SDK1: variants seen among roughly 807,000 people sequenced by gnomAD.
SDK1 encodes the protein protein sidekick-1.
A neutral mutation model predicts 245.5 loss-of-function variants in SDK1; 157 were observed. The observed-to-expected ratio is 0.64, with a 90% CI of 0.56 to 0.73. SDK1 has a LOEUF of 0.73. Ranked by LOEUF, SDK1 falls within the 30% of genes least tolerant of loss-of-function variation. SDK1 has a pLI of 0.00. For synonymous variants in SDK1, 1,647 were observed against 1,278.5 expected (o/e 1.29, Z -6.15); for missense variants, 3,583 against 3,002.3 (o/e 1.19, Z -4.52).
At chr7:4,134,324 T>C (rs952795360) in intron 28 of SDK1, among the ~76,000 whole-genome samples, 4 of 152,230 alleles carry the variant, frequency 2.6e-5, no homozygotes, top group African/African-American at 7.2e-5. Context: ...AGCAGCCACC[T>C]TGGAGGTGAG....
intron 5 of SDK1, among the ~76,000 whole-genome samples, chr7:3,941,432 C>A (rs1464807352): frequency 6.6e-6 from 1 of 152,058 alleles, no homozygotes; most frequent in Non-Finnish European, 1.5e-5. Flanking sequence ...CTGCCTCCTC[C>A]GTGGCCAGCT....
intron 1 of SDK1, among the ~76,000 whole-genome samples, chr7:3,573,629 A>G (rs144065892): frequency 6.6e-6 from 1 of 152,180 alleles, no homozygotes; most frequent in East Asian, 1.9e-4. Context: ...TGAATATGAA[A>G]AAACAATAAT....
At chr7:3,442,968 G>A (rs550139869) in intron 1 of SDK1, among the ~76,000 whole-genome samples, 1 of 151,958 alleles carries the variant, frequency 6.6e-6, no homozygotes, top group Non-Finnish European at 1.5e-5. Flanking sequence ...GCTCTATAAA[G>A]GATGTGTAGA....
chr7:4,031,836 G>A (rs1787840574), intron 17 of SDK1, among the ~76,000 whole-genome samples: 1 of 151,990 alleles, frequency 6.6e-6, no homozygotes, highest in Non-Finnish European at 1.5e-5. Flanking sequence ...AGACCAGCCT[G>A]GCCAACATGG....
intron 1 of SDK1, among the ~76,000 whole-genome samples, chr7:3,604,602 C>CTTTTT (rs201453008): frequency 8.1e-4 from 89 of 110,412 alleles, no homozygotes; most frequent in East Asian, 1.3e-3. Flanking sequence ...CTTTTCTTTT[C>CTTTTT]TTTTTTTTTT....
At chr7:4,214,515 A>G (rs1328761386) in intron 38 of SDK1, among the ~76,000 whole-genome samples, 4 of 152,170 alleles carry the variant, frequency 2.6e-5, no homozygotes, top group African/African-American at 9.7e-5. Flanking sequence ...CTGAGATTAG[A>G]GCGAGAGGGG....
chr7:4,212,071 C>T (rs1286503639), intron 38 of SDK1, among the ~76,000 whole-genome samples: 3 of 152,184 alleles, frequency 2.0e-5, no homozygotes, highest in African/African-American at 7.2e-5. Flanking sequence ...GGCAAGTTTC[C>T]CCCTGTAATA....
chr7:3,791,740 C>G (rs1340224174), intron 4 of SDK1, among the ~76,000 whole-genome samples: 5 of 152,172 alleles, frequency 3.3e-5, no homozygotes, highest in African/African-American at 1.2e-4. Context: ...CAAGGGTGAT[C>G]TGTTCGGAGA....
At chr7:3,336,711 G>A (rs1018136963) in intron 1 of SDK1, among the ~76,000 whole-genome samples, 5 of 151,998 alleles carry the variant, frequency 3.3e-5, no homozygotes, top group African/African-American at 1.2e-4. Flanking sequence ...TCCCTTCCCT[G>A]TGGTAGCTTG....
At chr7:4,162,199 T>C (rs2128212763) in intron 32 of SDK1, among the ~76,000 whole-genome samples, 1 of 152,162 alleles carries the variant, frequency 6.6e-6, no homozygotes, top group Admixed American at 6.5e-5. Flanking sequence ...GGAGCAAGGC[T>C]TCTGTGTATA....
At chr7:3,496,340 T>G (rs1483000713) in intron 1 of SDK1, among the ~76,000 whole-genome samples, 4 of 152,236 alleles carry the variant, frequency 2.6e-5, no homozygotes, top group African/African-American at 4.8e-5. Flanking sequence ...TAGCACTGTT[T>G]GGAGTCTCAC....
intron 1 of SDK1, among the ~76,000 whole-genome samples, chr7:3,343,543 G>T (rs191768854): frequency 6.6e-6 from 1 of 152,232 alleles, no homozygotes; most frequent in Non-Finnish European, 1.5e-5. Flanking sequence ...AGTGACATGT[G>T]GGATCCTTGT....
At position 3,358,408 on chromosome 7, in the gene SDK1, C is replaced by T. The variant is rs150836044; in HGVS notation, c.298+56524C>T. Among the ~76,000 whole-genome samples the T allele has an allele frequency of 3.6e-3, 544 of 149,338 alleles. 7 individuals are homozygous for T. The highest frequency in any genetic ancestry group is 0.013 in the African/African-American group (517 of 40,780). Reference sequence around the variant, plus strand: ...TTTAATGAGGGGCAAATATTTGGAGCAATTAGCTAATCATTACAACGTTTT... The same window carrying T: ...TTTAATGAGGGGCAAATATTTGGAGTAATTAGCTAATCATTACAACGTTTT... On this transcript the variant is annotated intron_variant, in intron 1 of 44. Transcript: ENST00000404826.
At chr7:3,989,128 C>A (rs1052009392) in intron 14 of SDK1, among the ~76,000 whole-genome samples, 8 of 152,204 alleles carry the variant, frequency 5.3e-5, no homozygotes, top group Non-Finnish European at 7.3e-5. Flanking sequence ...GGTTTTCACA[C>A]TGCCAATAAA....
chr7:3,905,514 T>C (rs939046781), intron 5 of SDK1, among the ~76,000 whole-genome samples: 1 of 152,232 alleles, frequency 6.6e-6, no homozygotes, highest in African/African-American at 2.4e-5. Context: ...CTATGGTTTT[T>C]AGGGTTGTTT....
chr7:3,478,223 T>C (rs1271498069), intron 1 of SDK1, among the ~76,000 whole-genome samples: 2 of 152,272 alleles, frequency 1.3e-5, no homozygotes, highest in Non-Finnish European at 2.9e-5. Flanking sequence ...TTGGGATTAA[T>C]TTGGGAGTTA....
intron 4 of SDK1, among the ~76,000 whole-genome samples, chr7:3,760,590 T>C (rs144241417): frequency 6.6e-6 from 1 of 152,226 alleles, no homozygotes; most frequent in Non-Finnish European, 1.5e-5. Flanking sequence ...TTCCTCAGAA[T>C]AATAGTTTTG....
intron 1 of SDK1, among the ~76,000 whole-genome samples, chr7:3,421,887 G>A (rs1209700099): frequency 1.3e-5 from 2 of 152,084 alleles, no homozygotes; most frequent in Non-Finnish European, 2.9e-5. Flanking sequence ...CTTGGAAAGT[G>A]GGCCAGATGC....
At chr7:3,993,091 T>A (rs1175101853) in intron 14 of SDK1, among the ~76,000 whole-genome samples, 3 of 152,234 alleles carry the variant, frequency 2.0e-5, no homozygotes, top group Non-Finnish European at 1.5e-5. Flanking sequence ...ATCGTTGCAT[T>A]AGAGCCGTTA....
Sources: allele counts gnomAD v4.1 joint callset (sites outside exome capture counted in the v4.1 genomes callset), GRCh38; gene constraint gnomAD v4.1.1; transcripts MANE v1.5; gene names NCBI Gene and HGNC (gene_info 2026-07-23, HGNC 2026-07-21).